MACROD2: variants seen among roughly 807,000 people sequenced by gnomAD.
MACROD2 encodes ADP-ribose glycohydrolase MACROD2.
Under a neutral mutation model 70.4 loss-of-function variants are expected in MACROD2, and 36 were observed. The observed-to-expected ratio is 0.51, with a 90% CI of 0.39 to 0.68. The LOEUF (loss-of-function observed/expected upper bound fraction) is 0.68, where lower values mean the gene tolerates loss of function less well. MACROD2 is among the 30% of genes least tolerant of loss of function. The probability of loss-of-function intolerance (pLI) is 0.00; values close to 1 mark genes in which losing one functional copy is unlikely to be tolerated. For missense variants in MACROD2, 496 were observed against 538.4 expected (o/e 0.92, Z 0.78); for synonymous variants, 172 against 178.8 (o/e 0.96, Z 0.30).
At chr20:14,764,384 G>C (rs1818951481) in intron 5 of MACROD2, among the ~76,000 whole-genome samples, 1 of 151,994 alleles carries the variant, frequency 6.6e-6, no homozygotes, top group African/African-American at 2.4e-5. Context: ...CCTGAAACCT[G>C]CCCATACATC....
intron 6 of MACROD2, among the ~76,000 whole-genome samples, chr20:15,336,908 C>T (rs1315892294): frequency 6.6e-6 from 1 of 151,624 alleles, no homozygotes; most frequent in Non-Finnish European, 1.5e-5. Flanking sequence ...TAGTGACTAG[C>T]CTGAGAGAGT....
intron 5 of MACROD2, among the ~76,000 whole-genome samples, chr20:14,737,019 T>G (rs190942445): frequency 6.6e-6 from 1 of 152,216 alleles, no homozygotes; most frequent in South Asian, 2.1e-4. Flanking sequence ...GTTTGTTACA[T>G]AGGTATACAC....
chr20:15,994,065 C>T (rs1487223175), intron 15 of MACROD2, among the ~76,000 whole-genome samples: 1 of 152,110 alleles, frequency 6.6e-6, no homozygotes, highest in Non-Finnish European at 1.5e-5. Context: ...CAAAACTGCC[C>T]TTTTTTTAAC....
At chr20:15,219,852 A>G (rs1259470199) in intron 5 of MACROD2, among the ~76,000 whole-genome samples, 1 of 152,056 alleles carries the variant, frequency 6.6e-6, no homozygotes, top group Non-Finnish European at 1.5e-5. Context: ...GTGATTTGAG[A>G]GCCAAAACCT....
chr20:14,453,302 G>A (rs1162545679), intron 3 of MACROD2, among the ~76,000 whole-genome samples: 1 of 152,096 alleles, frequency 6.6e-6, no homozygotes, highest in Non-Finnish European at 1.5e-5. Flanking sequence ...TGTGGATTTA[G>A]GCTCCTCTTC....
At chr20:14,648,280 A>G (rs1323391478) in intron 4 of MACROD2, among the ~76,000 whole-genome samples, 6 of 152,176 alleles carry the variant, frequency 3.9e-5, no homozygotes, top group Non-Finnish European at 1.5e-5. Context: ...TTCTACAGAA[A>G]CACAGATATC....
At chr20:14,705,403 C>G (rs775230066) in intron 5 of MACROD2, among the ~76,000 whole-genome samples, 1 of 152,052 alleles carries the variant, frequency 6.6e-6, no homozygotes, top group East Asian at 1.9e-4. Flanking sequence ...CAGAATGTAC[C>G]CATGTAGTGT....
intron 6 of MACROD2, among the ~76,000 whole-genome samples, chr20:15,368,266 T>C (rs1288556928): frequency 1.3e-5 from 2 of 150,696 alleles, no homozygotes; most frequent in African/African-American, 4.9e-5. Flanking sequence ...GGCAGAGCCA[T>C]CAATTGGTGT....
At chr20:15,107,546 A>G (rs1445405969) in intron 5 of MACROD2, among the ~76,000 whole-genome samples, 6 of 151,080 alleles carry the variant, frequency 4.0e-5, no homozygotes, top group South Asian at 2.1e-4. Flanking sequence ...TATGCTTCCT[A>G]TCTTTTTTTT....
In MACROD2 at chr20:16,044,701, T is replaced by G. The variant is rs2067356724; in HGVS notation, c.1300+62T>G. 6.2e-6 allele frequency: 9 copies of G among 1,456,312 alleles called. No individual in the cohort carries two copies. In the Admixed American group the frequency reaches 1.4e-4, roughly 22 times the overall value. 90.2% of individuals were successfully genotyped at this position (1,456,312 alleles called of 1,614,324 possible). On this transcript the variant is annotated intron_variant, in intron 17 of 17. Transcript: ENST00000684519. Reference sequence around the variant, plus strand: ...ACCAGCCATAAGAACTATTTGCAAATGACATACTGGATTTCCCTTGGTTTT... The same window carrying G: ...ACCAGCCATAAGAACTATTTGCAAAGGACATACTGGATTTCCCTTGGTTTT...
chr20:14,053,629 T>A (rs765222604), intron 2 of MACROD2: 5 of 152,184 alleles, frequency 3.3e-5, no homozygotes, highest in Non-Finnish European at 7.4e-5. Flanking sequence ...AATTCTTTAG[T>A]GCTCAAAACC....
intron 8 of MACROD2, among the ~76,000 whole-genome samples, chr20:15,663,900 T>C (rs1780198698): frequency 6.6e-6 from 1 of 152,198 alleles, no homozygotes; most frequent in Non-Finnish European, 1.5e-5. Context: ...TGCGTGTTGC[T>C]TCTATGTGAG....
rs559860983 is a variant in MACROD2 at position 15,448,420 on chromosome 20, G to C, written c.571+16985G>C. 2.0e-5 allele frequency among the ~76,000 whole-genome samples: 3 copies of C among 152,226 alleles called. No homozygotes were observed. The East Asian group carries it at 5.8e-4, about 29-fold the overall frequency. On this transcript the variant is annotated intron_variant, in intron 7 of 17. Transcript: ENST00000684519. ...AACCTCCTTATTACCAGCTCTCATG[G>C]TGTTACATGGCTGTCCTTCATAGCC...
intron 6 of MACROD2, among the ~76,000 whole-genome samples, chr20:15,340,979 T>C (rs1661311403): frequency 6.6e-6 from 1 of 152,060 alleles, no homozygotes; most frequent in Admixed American, 6.6e-5. Context: ...GAATAGAGAG[T>C]TGGGAATGAA....
intron 8 of MACROD2, among the ~76,000 whole-genome samples, chr20:15,615,831 G>A (rs2049029665): frequency 6.6e-6 from 1 of 152,140 alleles, no homozygotes; most frequent in Non-Finnish European, 1.5e-5. Flanking sequence ...AGAAGCATGA[G>A]GGAGCCCTGA....
chr20:14,190,706 T>A (rs866730482), intron 3 of MACROD2, among the ~76,000 whole-genome samples: 609 of 35,860 alleles, frequency 0.017, no homozygotes, highest in South Asian at 0.028. Context: ...ATATTTTTTT[T>A]TTTTTTTTTT....
chr20:14,974,366 A>G (rs1414634418), intron 5 of MACROD2, among the ~76,000 whole-genome samples: 1 of 152,192 alleles, frequency 6.6e-6, no homozygotes, highest in Non-Finnish European at 1.5e-5. Flanking sequence ...TGGTGCTGTC[A>G]TGAATGTCAG....
Position 14,911,427 on chromosome 20 carries a change from G to A in MACROD2, c.418+226468G>A, listed in dbSNP as rs1571519. On this transcript the variant is annotated intron_variant, in intron 5 of 17. Transcript: ENST00000684519. ...GGGTCTTGCTCTGTTGCCCAGGCTA[G>A]AGTGCGGTGGCATGATCTTGGCTCA... Among the ~76,000 whole-genome samples the A allele has an allele frequency of 3.0e-3, 455 of 152,178 alleles. 6 individuals carry two copies. The highest frequency in any genetic ancestry group is 0.01 in the African/African-American group (429 of 41,530).
At chr20:14,622,001 G>C (rs1442510198) in intron 4 of MACROD2, 1 of 152,038 alleles carries the variant, frequency 6.6e-6, no homozygotes, top group African/African-American at 2.4e-5. Context: ...AATAATTCCT[G>C]CTTACCTAAT....
Sources: allele counts gnomAD v4.1 joint callset (sites outside exome capture counted in the v4.1 genomes callset), GRCh38; gene constraint gnomAD v4.1.1; transcripts MANE v1.5; gene names NCBI Gene and HGNC (gene_info 2026-07-23, HGNC 2026-07-21).